The following TBC1D8 variants were observed in gnomAD, a reference collection of about 807,000 sequenced individuals.
TBC1D8 encodes BUB2-like protein 1.
Under a neutral mutation model 118.8 loss-of-function variants are expected in TBC1D8, and 65 were observed. The observed-to-expected ratio is 0.55, with a 90% CI of 0.45 to 0.67. The LOEUF is 0.67. Ranked by LOEUF, TBC1D8 falls within the 30% of genes least tolerant of loss-of-function variation. TBC1D8 has a pLI of 0.00. For synonymous variants in TBC1D8, 566 were observed against 595.8 expected, an observed-to-expected ratio of 0.95 and a Z score of 0.73; for missense variants, 1,376 against 1,471.2, an observed-to-expected ratio of 0.94 and a Z score of 1.06.
chr2:101,055,102 T>C (rs1028307181), intron 3 of TBC1D8, among the ~76,000 whole-genome samples: 3 of 151,996 alleles, frequency 2.0e-5, no homozygotes, highest in Admixed American at 6.6e-5. Context: ...AGTTAGTCCT[T>C]TGAGCGTCCA....
At chr2:101,091,665 C>T (rs1176179456) in intron 1 of TBC1D8, among the ~76,000 whole-genome samples, 1 of 152,112 alleles carries the variant, frequency 6.6e-6, no homozygotes, top group East Asian at 1.9e-4. Flanking sequence ...TTCGAGGCTG[C>T]AGTGAGTAGT....
rs761003955 is a variant in TBC1D8 at position 101,008,193 on chromosome 2, G to A, written c.3096C>T (p.Ile1032=). The A allele has an allele frequency of 2.4e-5, 39 of 1,612,452 alleles. No homozygotes were observed. Among genetic ancestry groups the A allele is most frequent in the Admixed American group, 1.2e-4 (7 of 59,794 alleles). ...DPEENDLYQA[I]ATVTTLLLQI... ...GCAGCAGCAGTGTGGTGACTGTGGC[G>A]ATGGCTTGATACAAATCATTTTCTT... is the stretch of plus-strand genomic sequence containing the variant. The change falls in exon 20 of 20, where the codon ATC becomes ATT. Residue 1032 remains isoleucine, a synonymous_variant. Transcript: ENST00000409318.
At chr2:101,077,369 T>C (rs921700924) in intron 2 of TBC1D8, among the ~76,000 whole-genome samples, 3 of 150,144 alleles carry the variant, frequency 2.0e-5, no homozygotes, top group African/African-American at 7.4e-5. Flanking sequence ...TGCCTCAGCC[T>C]CCCGGGTAGC....
At chr2:101,015,755 C>G in intron 17 of TBC1D8, among the ~76,000 whole-genome samples, 1 of 152,200 alleles carries the variant, frequency 6.6e-6, no homozygotes. Context: ...ACAGAGCCCT[C>G]AGAAACAACG....
chr2:101,111,603 C>T (rs1677591355), intron 1 of TBC1D8, among the ~76,000 whole-genome samples: 1 of 152,212 alleles, frequency 6.6e-6, no homozygotes, highest in Admixed American at 6.5e-5. Flanking sequence ...ACACAATGGT[C>T]CTTTGCTTTC....
Position 101,050,392 on chromosome 2 carries a change from C to G in TBC1D8, c.872+9G>C. 6.2e-7 allele frequency: 1 copy of G among 1,611,594 alleles called. No homozygotes were observed. Among genetic ancestry groups the G allele is most frequent in the South Asian group, 1.1e-5 (1 of 90,912 alleles). On this transcript the variant is annotated intron_variant, in intron 5 of 19. Coordinates refer to ENST00000409318, the MANE Select transcript of TBC1D8 (RefSeq NM_001330348.2). The stretch of plus-strand genomic sequence containing the variant: ...CGGGTGGGAGACACTCTAGAACAGT[C>G]ACTTTCACCTCTTGGTGATCTGGCT...
Position 101,050,632 on chromosome 2 carries a change from A to G in TBC1D8, c.641T>C (p.Val214Ala). The G allele has an allele frequency of 6.2e-7, 1 of 1,613,636 alleles. No homozygotes were observed. The highest frequency in any genetic ancestry group is 8.5e-7 in the Non-Finnish European group (1 of 1,179,782). The change falls in exon 5 of 20, where the codon GTG becomes GCG. Residue 214 changes from valine to alanine, a missense_variant. Coordinates refer to ENST00000409318, the MANE Select transcript of TBC1D8 (RefSeq NM_001330348.2). ...SFFLGKELKL[V>A]VPWVDIQKLE... Reference sequence around the variant, plus strand: ...TTTCTGGATATCAACCCACGGAACCACAAGTTTAACTGTAAGAGAAAAGGG... The same window carrying G: ...TTTCTGGATATCAACCCACGGAACCGCAAGTTTAACTGTAAGAGAAAAGGG...
At chr2:101,048,852 T>A (rs1016853501) in intron 5 of TBC1D8, among the ~76,000 whole-genome samples, 9 of 152,320 alleles carry the variant, frequency 5.9e-5, no homozygotes, top group Non-Finnish European at 1.0e-4. Flanking sequence ...AAAATCACAT[T>A]TGAATATCAG....
At chr2:101,111,410 A>AT (rs1320148643) in intron 1 of TBC1D8, among the ~76,000 whole-genome samples, 4 of 152,220 alleles carry the variant, frequency 2.6e-5, no homozygotes, top group African/African-American at 9.6e-5. Flanking sequence ...TCCTGTGCCC[A>AT]TCATGGCTGG....
chr2:101,064,538 A>G (rs1338938989), intron 2 of TBC1D8, among the ~76,000 whole-genome samples: 3 of 152,222 alleles, frequency 2.0e-5, no homozygotes, highest in Non-Finnish European at 4.4e-5. Context: ...TAGTGAAACT[A>G]CGCCTGTCTT....
rs139769634 is a variant in TBC1D8 at position 101,089,475 on chromosome 2, G to C, written c.283+734C>G. On this transcript the variant is annotated intron_variant, in intron 2 of 19. Coordinates refer to ENST00000409318, the MANE Select transcript of TBC1D8 (RefSeq NM_001330348.2). ...TTTTTTAATAAAAGGGTCTTCTCAA[G>C]AAGTGGTGACTCCTGGCCCAAGAGG... Among the ~76,000 whole-genome samples the C allele has an allele frequency of 8.0e-3, 1,217 of 152,052 alleles. 19 individuals are homozygous for C. The highest frequency in any genetic ancestry group is 0.027 in the African/African-American group (1,131 of 41,472).
intron 4 of TBC1D8, among the ~76,000 whole-genome samples, chr2:101,051,659 A>C (rs1260359179): frequency 6.6e-6 from 1 of 152,166 alleles, no homozygotes; most frequent in East Asian, 1.9e-4. Context: ...ACGAACAGAC[A>C]CTTTTCAAAA....
intron 2 of TBC1D8, among the ~76,000 whole-genome samples, chr2:101,077,590 T>G (rs1186986744): frequency 6.6e-6 from 1 of 152,044 alleles, no homozygotes; most frequent in East Asian, 1.9e-4. Flanking sequence ...AAGAATTCAC[T>G]CACTATCTAT....
At position 101,029,700 on chromosome 2, in the gene TBC1D8, G is replaced by A. The variant is rs368175799; in HGVS notation, c.2013C>T (p.Asp671=). 11 of 1,613,894 alleles carry A rather than the reference G, an allele frequency of 6.8e-6. No homozygotes were observed. Among genetic ancestry groups the A allele is most frequent in the Non-Finnish European group, 8.5e-6 (10 of 1,179,894 alleles). Residue 671 remains aspartate (D), a synonymous_variant, in exon 12 of 20, where the codon GAC becomes GAT. Transcript: ENST00000409318. ...GAGAGACGGACGCCAGGGCTGAGAGGTCGTTCATGTGCTCTGCCAGCTCTG... is the reference window on the plus strand; with the variant it reads ...GAGAGACGGACGCCAGGGCTGAGAGATCGTTCATGTGCTCTGCCAGCTCTG... ...HLPELAEHMN[D]LSALASVSLS... is the part of the protein sequence containing the mutation.
intron 3 of TBC1D8, among the ~76,000 whole-genome samples, chr2:101,055,829 T>C (rs1274168180): frequency 5.3e-5 from 8 of 151,992 alleles, no homozygotes. Context: ...TGCTACCTGA[T>C]TATAAAAATA....
At chr2:101,063,184 A>G (rs1682849995) in intron 2 of TBC1D8, among the ~76,000 whole-genome samples, 1 of 152,194 alleles carries the variant, frequency 6.6e-6, no homozygotes, top group African/African-American at 2.4e-5. Flanking sequence ...CTCAATGATA[A>G]CTTTAGATAA....
chr2:101,034,074 G>C (rs993991598), intron 9 of TBC1D8, among the ~76,000 whole-genome samples: 1 of 152,136 alleles, frequency 6.6e-6, no homozygotes, highest in Non-Finnish European at 1.5e-5. Context: ...TGAGGCACAA[G>C]AATCCCTTGA....
chr2:101,016,497 C>A (rs374111144), intron 17 of TBC1D8, among the ~76,000 whole-genome samples: 26 of 152,096 alleles, frequency 1.7e-4, no homozygotes, highest in African/African-American at 6.3e-4. Context: ...TAGTTCAACC[C>A]TTGTGGAAGT....
At chr2:101,074,497 C>A (rs11123860) in intron 2 of TBC1D8, among the ~76,000 whole-genome samples, 60,606 of 152,052 alleles carry the variant, frequency 0.4, 13,892 homozygotes, top group South Asian at 0.52. Context: ...TTACCATAAA[C>A]CTTCAATTTG....
Sources: allele counts gnomAD v4.1 joint callset (sites outside exome capture counted in the v4.1 genomes callset), GRCh38; gene constraint gnomAD v4.1.1; transcripts MANE v1.5; gene names NCBI Gene and HGNC (gene_info 2026-07-23, HGNC 2026-07-21).